Variants in PNKD observed in about 807,000 individuals in gnomAD.
PNKD encodes probable thioesterase PNKD.
PNKD carries 36 observed loss-of-function variants against 45.3 expected under a neutral mutation model. The observed-to-expected ratio is 0.80, with a 90% CI of 0.61 to 1.05. The LOEUF is 1.05. Ranked by LOEUF, PNKD falls within the 50% of genes least tolerant of loss-of-function variation. The probability of loss-of-function intolerance (pLI) is 0.00; values close to 1 mark genes in which losing one functional copy is unlikely to be tolerated. For missense variants in PNKD, 511 were observed against 506.6 expected (o/e 1.01, Z -0.08); for synonymous variants, 197 against 210.1 (o/e 0.94, Z 0.54).
intron 2 of PNKD, among the ~76,000 whole-genome samples, chr2:218,308,478 T>C (rs1693486349): frequency 6.6e-6 from 1 of 152,030 alleles, no homozygotes; most frequent in African/African-American, 2.4e-5. Context: ...CGAGCCACCG[T>C]GCCCAGCCTT....
In PNKD at chr2:218,270,562, G is replaced by A; in HGVS notation, c.27G>A (p.Ala9=). The change falls in exon 1 of 10, where the codon GCG becomes GCA. Residue 9 remains alanine, a synonymous_variant. Transcript: ENST00000273077. The part of the protein sequence containing the change: MAAVVAAT[A]LKGRGARNAR... ...TGGCGGCGGTGGTAGCTGCTACGGCGCTGAAGGGCCGGGGGGCGAGAAATG... is the reference window on the plus strand; with the variant it reads ...TGGCGGCGGTGGTAGCTGCTACGGCACTGAAGGGCCGGGGGGCGAGAAATG... The A allele has an allele frequency of 3.3e-6, 4 of 1,222,960 alleles. No individual in the cohort carries two copies. The highest frequency in any genetic ancestry group is 3.2e-6 in the Non-Finnish European group (3 of 947,488). The allele number at this position is 1,222,960 out of a possible 1,614,324, so 75.8% of individuals were successfully genotyped here. A position where few individuals can be genotyped will look rare whatever the true frequency, so the allele number is the denominator to read the frequency against.
intron 2 of PNKD, among the ~76,000 whole-genome samples, chr2:218,291,911 T>C (rs1360411682): frequency 6.6e-6 from 1 of 152,090 alleles, no homozygotes; most frequent in East Asian, 1.9e-4. Flanking sequence ...GAGCTGCTCA[T>C]TGGCTTCTGC....
At chr2:218,333,145 G>A (rs1364480785) in intron 2 of PNKD, among the ~76,000 whole-genome samples, 2 of 152,138 alleles carry the variant, frequency 1.3e-5, no homozygotes, top group African/African-American at 4.8e-5. Flanking sequence ...TGACTAATCC[G>A]GTTTCTGGTT....
chr2:218,316,268 C>T (rs200889297), intron 2 of PNKD, among the ~76,000 whole-genome samples: 25 of 119,562 alleles, frequency 2.1e-4, no homozygotes, highest in Middle Eastern at 4.4e-3. Context: ...TTCTTTCTTT[C>T]TTTTTTTTTT....
At chr2:218,294,017 G>C (rs1225292560) in intron 2 of PNKD, among the ~76,000 whole-genome samples, 3 of 151,172 alleles carry the variant, frequency 2.0e-5, no homozygotes, top group Non-Finnish European at 2.9e-5. Flanking sequence ...TATAGTTTAA[G>C]TAGGAGTTAC....
rs760423147 is a variant in PNKD at position 218,344,972 on chromosome 2, G to T, written c.1149G>T (p.Lys383Asn). The change falls in exon 10 of 10, where the codon AAG becomes AAT. Residue 383 changes from lysine to asparagine, a missense_variant. Physicochemically the swap from Lys to Asn is moderately conservative, Grantham distance 94 (BLOSUM62 0). Transcript: ENST00000273077. ...EELRRLKDMHKSK is the reference protein window; with the variant it reads ...EELRRLKDMHNSK ...TCCGCCGGCTGAAGGATATGCACAA[G>T]AGCAAGTGATGCCCCCAGCGCCCCC... The T allele has an allele frequency of 2.6e-5, 42 of 1,612,658 alleles. No homozygotes were observed. The South Asian group carries it at 4.4e-4, about 17-fold the overall frequency.
At chr2:218,333,869 C>A (rs1694402147) in intron 2 of PNKD, among the ~76,000 whole-genome samples, 1 of 151,212 alleles carries the variant, frequency 6.6e-6, no homozygotes, top group Middle Eastern at 3.2e-3. Context: ...AATCCCAACA[C>A]TTTGGGAGGC....
At chr2:218,319,675 C>T (rs2891076) in intron 2 of PNKD, among the ~76,000 whole-genome samples, 89,893 of 151,908 alleles carry the variant, frequency 0.59, 26,999 homozygotes, top group South Asian at 0.68. Flanking sequence ...CGCTCGGCCC[C>T]GTCTTGTGTA....
chr2:218,295,844 CTTT>C (rs150599792), intron 2 of PNKD, among the ~76,000 whole-genome samples: 12 of 128,964 alleles, frequency 9.3e-5, no homozygotes, highest in Non-Finnish European at 1.5e-4. Context: ...AACAACAAAC[CTTT>C]TTTTTTTTTT....
At position 218,309,963 on chromosome 2, in the gene PNKD, T is replaced by G. The variant is rs933979657; in HGVS notation, c.237-29820T>G. Among the ~76,000 whole-genome samples, 3 of 150,268 alleles carry G rather than the reference T, an allele frequency of 2.0e-5. No homozygotes were observed. The East Asian group carries it at 5.9e-4, about 29-fold the overall frequency. ...AAAAAAAAAGAAAAGAAAACCCAAC[T>G]GAAAGTGGCTTACATTATAAGCAAC... On this transcript the variant is annotated intron_variant, in intron 2 of 9. Transcript: ENST00000273077.
intron 2 of PNKD, among the ~76,000 whole-genome samples, chr2:218,288,153 G>A (rs1008863340): frequency 6.6e-6 from 1 of 152,268 alleles, no homozygotes; most frequent in African/African-American, 2.4e-5. Flanking sequence ...AAGGGGCCAG[G>A]CATGGCGGCT....
At chr2:218,282,931 C>T (rs901297753) in intron 2 of PNKD, among the ~76,000 whole-genome samples, 2 of 152,170 alleles carry the variant, frequency 1.3e-5, no homozygotes, top group South Asian at 2.1e-4. Flanking sequence ...CGGCAGCCTG[C>T]GACCACAGCT....
At chr2:218,323,108 G>T in intron 2 of PNKD, 1 of 1,195,744 alleles carries the variant, frequency 8.4e-7, no homozygotes, top group South Asian at 2.4e-5. Context: ...CCGGCTGGAG[G>T]TGGTGAGGGG....
At chr2:218,329,738 G>T (rs1489470956) in intron 2 of PNKD, among the ~76,000 whole-genome samples, 1 of 152,268 alleles carries the variant, frequency 6.6e-6, no homozygotes, top group African/African-American at 2.4e-5. Flanking sequence ...CAACTTCGGG[G>T]AAACCCTTAC....
At chr2:218,275,514 G>A in intron 2 of PNKD, 1 of 1,614,160 alleles carries the variant, frequency 6.2e-7, no homozygotes, top group Non-Finnish European at 8.5e-7. Flanking sequence ...CAAAGGTGAA[G>A]ATGTAGATGA....
intron 2 of PNKD, among the ~76,000 whole-genome samples, chr2:218,311,666 A>G (rs974723373): frequency 3.9e-5 from 6 of 152,132 alleles, no homozygotes; most frequent in Non-Finnish European, 8.8e-5. Flanking sequence ...GTTTTCTCCT[A>G]TCTCAGAATA....
chr2:218,309,920 C>A (rs989924471), intron 2 of PNKD, among the ~76,000 whole-genome samples: 1 of 148,826 alleles, frequency 6.7e-6, no homozygotes, highest in Non-Finnish European at 1.5e-5. Flanking sequence ...GGCGACAGAG[C>A]GAGATTACGT....
chr2:218,345,015 G>T lies in PNKD; in HGVS notation c.*34G>T, dbSNP rs751712050. On this transcript the variant is annotated 3_prime_UTR_variant, in exon 10 of 10. Transcript: ENST00000273077. ...GCGCCCCCAGCCCAGCCCACTCCCC[G>T]CATGGGGAGGCCGCCACCACCAACA... 18 of 1,535,644 alleles carry T rather than the reference G, an allele frequency of 1.2e-5. No individual in the cohort carries two copies. The East Asian group carries it at 3.2e-4, about 27-fold the overall frequency.
chr2:218,279,728 A>G (rs926509879), intron 2 of PNKD, among the ~76,000 whole-genome samples: 3 of 152,306 alleles, frequency 2.0e-5, no homozygotes, highest in Middle Eastern at 3.4e-3. Context: ...AGCTGCCTAT[A>G]GTCTAAAGGG....
Sources: gnomAD v4.1 joint callset for allele counts (sites outside exome capture counted in the v4.1 genomes callset) on GRCh38, gnomAD v4.1.1 for gene constraint, MANE v1.5 for transcripts, NCBI Gene and HGNC (gene_info 2026-07-23, HGNC 2026-07-21) for gene names.